The following KCNQ3 variants were observed in gnomAD, a reference collection of about 807,000 sequenced individuals.
KCNQ3 encodes the protein potassium voltage-gated channel subfamily Q member 3.
A neutral mutation model predicts 92.5 loss-of-function variants in KCNQ3; 30 were observed. The observed-to-expected ratio is 0.32, with a 90% CI of 0.24 to 0.44. The LOEUF (loss-of-function observed/expected upper bound fraction) is 0.44. KCNQ3 is among the 20% of genes least tolerant of loss of function. The pLI, the probability that KCNQ3 is intolerant of heterozygous loss-of-function variation, is 1.00. For missense variants in KCNQ3, 913 were observed against 1,140.3 expected, an observed-to-expected ratio of 0.80 and a Z score of 2.87; for synonymous variants, 450 against 468.8, an observed-to-expected ratio of 0.96 and a Z score of 0.52.
At chr8:132,201,487 T>C (rs1465667704) in intron 1 of KCNQ3, among the ~76,000 whole-genome samples, 1 of 152,014 alleles carries the variant, frequency 6.6e-6, no homozygotes, top group African/African-American at 2.4e-5. Flanking sequence ...AGTTATCTGT[T>C]TCCAAAATGC....
chr8:132,396,397 C>T (rs76556271), intron 1 of KCNQ3, among the ~76,000 whole-genome samples: 22,062 of 151,214 alleles, frequency 0.15, 1,804 homozygotes, highest in African/African-American at 0.22. Context: ...CAAAACCCGA[C>T]CTCCTCAGAG....
rs73708482 is a variant in KCNQ3 at position 132,477,721 on chromosome 8, A to G, written c.386+2426T>C. 4.5e-3 allele frequency among the ~76,000 whole-genome samples: 690 copies of G among 152,248 alleles called. 4 individuals are homozygous for G. Among genetic ancestry groups the G allele is most frequent in the African/African-American group, 0.016 (652 of 41,534 alleles). On this transcript the variant is annotated intron_variant, in intron 1 of 14. Coordinates refer to ENST00000388996, the MANE Select transcript of KCNQ3 (RefSeq NM_004519.4). ...CTTCCTGAGTTCTGACCAGCCCCCAACTTGATTCTAAACTCTCATTTCTAG... is the reference window on the plus strand; with the variant it reads ...CTTCCTGAGTTCTGACCAGCCCCCAGCTTGATTCTAAACTCTCATTTCTAG...
At chr8:132,277,145 G>A (rs1816360685) in intron 1 of KCNQ3, among the ~76,000 whole-genome samples, 1 of 151,922 alleles carries the variant, frequency 6.6e-6, no homozygotes, top group Non-Finnish European at 1.5e-5. Flanking sequence ...CCACTTTTGT[G>A]TTTTCTATTC....
chr8:132,408,261 G>A (rs557941103), intron 1 of KCNQ3, among the ~76,000 whole-genome samples: 1 of 152,280 alleles, frequency 6.6e-6, no homozygotes, highest in East Asian at 1.9e-4. Context: ...ATACTTTCAA[G>A]AATCCAGCAA....
At chr8:132,130,050 T>C in intron 14 of KCNQ3, 54 bp from the exon 15 acceptor site, 1 of 1,589,374 alleles carries the variant, frequency 6.3e-7, no homozygotes, top group South Asian at 1.1e-5. Flanking sequence ...TGGGGATCGT[T>C]GCTATTGGTT....
chr8:132,347,699 C>T (rs924413533), intron 1 of KCNQ3, among the ~76,000 whole-genome samples: 3 of 152,164 alleles, frequency 2.0e-5, no homozygotes, highest in South Asian at 2.1e-4. Context: ...GAAAACCGGC[C>T]GGGCGCAGTG....
intron 1 of KCNQ3, among the ~76,000 whole-genome samples, chr8:132,258,354 A>T (rs1397281819): frequency 6.6e-6 from 1 of 152,182 alleles, no homozygotes; most frequent in Non-Finnish European, 1.5e-5. Context: ...CAAAATTAGA[A>T]TTTTGAGAAA....
At chr8:132,149,524 G>A (rs1825569335) in intron 9 of KCNQ3, among the ~76,000 whole-genome samples, 1 of 152,208 alleles carries the variant, frequency 6.6e-6, no homozygotes, top group Non-Finnish European at 1.5e-5. Flanking sequence ...GGGATCTGAG[G>A]AAAGGAGGGT....
chr8:132,328,818 G>A (rs1818143091), intron 1 of KCNQ3, among the ~76,000 whole-genome samples: 1 of 151,938 alleles, frequency 6.6e-6, no homozygotes, highest in Non-Finnish European at 1.5e-5. Context: ...ATTTTTACCT[G>A]CTCCTTCCTA....
chr8:132,401,590 G>A (rs112699850), intron 1 of KCNQ3, among the ~76,000 whole-genome samples: 4,378 of 152,212 alleles, frequency 0.029, 191 homozygotes, highest in African/African-American at 0.098. Flanking sequence ...TGGCCAGGAT[G>A]GTCTTGATTT....
chr8:132,272,544 C>CT (rs956459426), intron 1 of KCNQ3, among the ~76,000 whole-genome samples: 1 of 152,126 alleles, frequency 6.6e-6, no homozygotes. Context: ...GTTTAATGGA[C>CT]TTACAGTTCC....
At chr8:132,186,033 TC>T (rs1826946138) in intron 2 of KCNQ3, 57 bp downstream of exon 2, 6 of 1,341,910 alleles carry the variant, frequency 4.5e-6, no homozygotes, top group South Asian at 3.5e-5. Flanking sequence ...AAGGGCAACC[TC>T]CTTTTCATCA....
intron 1 of KCNQ3, among the ~76,000 whole-genome samples, chr8:132,369,095 C>A (rs1819402586): frequency 6.6e-6 from 1 of 152,120 alleles, no homozygotes; most frequent in African/African-American, 2.4e-5. Context: ...GTACGGTGTT[C>A]TTTCTTCTCA....
At chr8:132,255,260 T>G (rs1297852524) in intron 1 of KCNQ3, among the ~76,000 whole-genome samples, 1 of 152,088 alleles carries the variant, frequency 6.6e-6, no homozygotes, top group Non-Finnish European at 1.5e-5. Context: ...TGTCTGGTGA[T>G]TCCCTGAAAA....
intron 1 of KCNQ3, among the ~76,000 whole-genome samples, chr8:132,378,054 G>A (rs1819656614): frequency 6.6e-6 from 1 of 152,044 alleles, no homozygotes; most frequent in Non-Finnish European, 1.5e-5. Flanking sequence ...TCAAAAAAAA[G>A]TGGAAGATAC....
At chr8:132,329,263 G>T (rs1818159567) in intron 1 of KCNQ3, among the ~76,000 whole-genome samples, 1 of 152,146 alleles carries the variant, frequency 6.6e-6, no homozygotes, top group Admixed American at 6.5e-5. Context: ...CCTGGGTGAG[G>T]CACCCCCAAG....
At chr8:132,363,447 T>C (rs1458903393) in intron 1 of KCNQ3, among the ~76,000 whole-genome samples, 1 of 152,096 alleles carries the variant, frequency 6.6e-6, no homozygotes, top group East Asian at 1.9e-4. Context: ...CCAGGTGGTG[T>C]GGCAAAGGAG....
intron 1 of KCNQ3, among the ~76,000 whole-genome samples, chr8:132,377,403 A>G (rs1466678142): frequency 6.6e-6 from 1 of 152,148 alleles, no homozygotes; most frequent in East Asian, 1.9e-4. Context: ...GCCTTTCTAG[A>G]TATCTCTGTA....
intron 10 of KCNQ3, chr8:132,140,863 G>T (rs1825271749): frequency 2.0e-6 from 1 of 509,616 alleles, no homozygotes; most frequent in Non-Finnish European, 3.6e-6. Flanking sequence ...GGGGGGTCGG[G>T]GCGGACCCTT....
Sources: gnomAD v4.1 joint callset for allele counts (sites outside exome capture counted in the v4.1 genomes callset) on GRCh38, gnomAD v4.1.1 for gene constraint, MANE v1.5 for transcripts, NCBI Gene and HGNC (gene_info 2026-07-23, HGNC 2026-07-21) for gene names.